Variants in SLIT1 observed in about 807,000 individuals in gnomAD.
SLIT1 encodes slit guidance ligand 1.
SLIT1 carries 66 observed loss-of-function variants against 186.1 expected under a neutral mutation model. The observed-to-expected ratio is 0.35, with a 90% confidence interval of 0.29 to 0.44. The LOEUF (loss-of-function observed/expected upper bound fraction) is 0.44. Ranked by LOEUF, SLIT1 falls within the 20% of genes least tolerant of loss-of-function variation. The probability of loss-of-function intolerance (pLI) is 1.00; values close to 1 mark genes in which losing one functional copy is unlikely to be tolerated. For missense variants in SLIT1, 1,638 were observed against 2,037.4 expected (o/e 0.80, Z 3.77); for synonymous variants, 761 against 833.8 (o/e 0.91, Z 1.50).
In SLIT1 at chr10:97,000,988, GGCCCAGCT is replaced by G. The variant is rs1169244401; in HGVS notation, c.*116_*123del. 62 of 726,970 alleles carry G rather than the reference GGCCCAGCT, an allele frequency of 8.5e-5. No homozygotes were observed. The highest frequency in any genetic ancestry group is 1.4e-4 in the Non-Finnish European group (60 of 442,356). 45.0% of individuals were successfully genotyped at this position (726,970 alleles called of 1,614,324 possible). A position where few individuals can be genotyped will look rare whatever the true frequency, so the allele number is the denominator to read the frequency against. On this transcript the variant is annotated 3_prime_UTR_variant, in exon 37 of 37. Coordinates refer to ENST00000266058, the MANE Select transcript of SLIT1 (RefSeq NM_003061.3). ...GCTCTGGCACCACCCCACCCAGGAGGGCCCAGCTGCCCAGGAGCCGTCCTGTGATGACC... is the reference window on the plus strand; with the variant it reads ...GCTCTGGCACCACCCCACCCAGGAGGGCCCAGGAGCCGTCCTGTGATGACC...
intron 1 of SLIT1, among the ~76,000 whole-genome samples, chr10:97,174,639 G>A (rs1333907454): frequency 6.6e-6 from 1 of 152,212 alleles, no homozygotes; most frequent in Non-Finnish European, 1.5e-5. Flanking sequence ...TTGTTTCCTT[G>A]GCTGGAGAAA....
chr10:97,050,289 C>T (rs895373149), intron 13 of SLIT1, among the ~76,000 whole-genome samples: 1 of 152,218 alleles, frequency 6.6e-6, no homozygotes, highest in African/African-American at 2.4e-5. Context: ...CAGGCCCCTG[C>T]AAGGGGCTGC....
Position 97,004,806 on chromosome 10 carries a change from G to T in SLIT1, c.3597C>A (p.Asp1199Glu). 6.2e-7 allele frequency: 1 copy of T among 1,614,154 alleles called. No individual in the cohort carries two copies. Among genetic ancestry groups the T allele is most frequent in the Non-Finnish European group, 8.5e-7 (1 of 1,180,008 alleles). The change falls in exon 33 of 37, where the codon GAC becomes GAA. Residue 1199 changes from aspartate to glutamate, a missense_variant. By Grantham distance (45) the Asp-to-Glu change is conservative (BLOSUM62 2). Around this residue, in one of 3 missense-constraint regions of SLIT1, gnomAD observed 173 missense variants for 290.9 expected, o/e 0.59. Transcript: ENST00000266058. The surrounding 1 kb of genome is among the most constrained non-coding windows in gnomAD (Gnocchi z 5.1). ...CCCCGTTGTACAGAAGGATCCCATT[G>T]TCCTCTGCCGTGGAGACCTGATGGG... ...NITLQVSTAE[D>E]NGILLYNGDN... is the part of the protein sequence containing the mutation.
At chr10:97,092,528 A>T (rs1194832420) in intron 4 of SLIT1, among the ~76,000 whole-genome samples, 1 of 152,260 alleles carries the variant, frequency 6.6e-6, no homozygotes, top group East Asian at 1.9e-4. Context: ...CTATATACCT[A>T]CATGAATGCT....
At chr10:97,034,646 G>T in intron 22 of SLIT1, 104 bp from the exon 23 acceptor site, 1 of 1,001,224 alleles carries the variant, frequency 1.0e-6, no homozygotes, top group Non-Finnish European at 1.6e-6. Flanking sequence ...CCATTCCCCA[G>T]CCAGGTTGGC....
Position 97,001,043 on chromosome 10 carries a change from G to A in SLIT1, c.*69C>T. 3.1e-6 allele frequency: 4 copies of A among 1,306,244 alleles called. No individual in the cohort carries two copies. The East Asian group carries it at 9.5e-5, about 31-fold the overall frequency. The allele number at this position is 1,306,244 out of a possible 1,614,324, so 80.9% of individuals were successfully genotyped here. A position where few individuals can be genotyped will look rare whatever the true frequency, so the allele number is the denominator to read the frequency against. On this transcript the variant is annotated 3_prime_UTR_variant, in exon 37 of 37. Coordinates refer to ENST00000266058, the MANE Select transcript of SLIT1 (RefSeq NM_003061.3). ...GACCTGCACCCCAGCCCAGCTGCTG[G>A]CGACTGTCTCCGCTGCTGCAGCGGC...
intron 4 of SLIT1, among the ~76,000 whole-genome samples, chr10:97,069,776 A>G (rs1848985198): frequency 6.6e-6 from 1 of 152,174 alleles, no homozygotes; most frequent in African/African-American, 2.4e-5. Flanking sequence ...GTGGTAGTTA[A>G]AAGACATCCA....
At chr10:97,034,343 G>A (rs186356199) in intron 23 of SLIT1, 128 bp downstream of exon 23, 37 of 737,506 alleles carry the variant, frequency 5.0e-5, no homozygotes, top group East Asian at 1.7e-4. Flanking sequence ...TCTCAGGCCC[G>A]GCACCCTCTC....
intron 4 of SLIT1, among the ~76,000 whole-genome samples, chr10:97,118,274 G>A (rs1320220230): frequency 6.6e-6 from 1 of 152,198 alleles, no homozygotes; most frequent in Non-Finnish European, 1.5e-5. Flanking sequence ...CACAGGCTGC[G>A]TAAGCTGGAG....
chr10:97,011,459 A>T (rs544926310), intron 30 of SLIT1, among the ~76,000 whole-genome samples: 26 of 152,192 alleles, frequency 1.7e-4, no homozygotes, highest in Admixed American at 7.8e-4. Context: ...TCCAAGGCCA[A>T]CTGTCAGCCC....
chr10:97,149,053 T>C (rs759036157), intron 4 of SLIT1, among the ~76,000 whole-genome samples: 14 of 152,216 alleles, frequency 9.2e-5, no homozygotes, highest in Non-Finnish European at 1.8e-4. Context: ...CACCCCCCCG[T>C]GGCCCTCCTT....
intron 4 of SLIT1, among the ~76,000 whole-genome samples, chr10:97,150,857 T>C (rs1005261176): frequency 5.9e-5 from 9 of 152,030 alleles, no homozygotes; most frequent in African/African-American, 2.2e-4. Context: ...AGCAATCAGG[T>C]TTCCAGCATA....
chr10:97,048,776 C>T (rs989936044), intron 14 of SLIT1, among the ~76,000 whole-genome samples, 179 bp downstream of exon 14: 1 of 150,970 alleles, frequency 6.6e-6, no homozygotes, highest in East Asian at 2.0e-4. Flanking sequence ...GGTGGGCAGG[C>T]AGGTAGGTGA....
At chr10:97,121,593 T>C (rs1849560373) in intron 4 of SLIT1, among the ~76,000 whole-genome samples, 1 of 152,218 alleles carries the variant, frequency 6.6e-6, no homozygotes, top group South Asian at 2.1e-4. Flanking sequence ...TCATGTCAAG[T>C]AGCGGAGCCA....
intron 4 of SLIT1, among the ~76,000 whole-genome samples, chr10:97,134,309 A>G (rs1298177367): frequency 1.3e-5 from 2 of 152,096 alleles, no homozygotes; most frequent in Non-Finnish European, 2.9e-5. Context: ...ATCTCATTCT[A>G]CAGGCGTTAT....
intron 36 of SLIT1, among the ~76,000 whole-genome samples, chr10:97,001,773 C>A (rs929923023): frequency 1.3e-5 from 2 of 152,138 alleles, no homozygotes; most frequent in African/African-American, 4.8e-5. Flanking sequence ...CCAGCAGAAG[C>A]CATCTTGGTC....
chr10:97,090,200 G>C (rs572392953), intron 4 of SLIT1, among the ~76,000 whole-genome samples: 119 of 152,340 alleles, frequency 7.8e-4, no homozygotes, highest in South Asian at 4.4e-3. Context: ...ATGGAGGAGT[G>C]CCGTGAAGGA....
At chr10:97,077,182 G>A (rs1416414079) in intron 4 of SLIT1, among the ~76,000 whole-genome samples, 1 of 152,116 alleles carries the variant, frequency 6.6e-6, no homozygotes, top group Non-Finnish European at 1.5e-5. Flanking sequence ...CAGGAGGATT[G>A]TTTGAGCCTA....
chr10:97,007,188 T>C (rs1848366611), intron 31 of SLIT1, among the ~76,000 whole-genome samples: 1 of 151,994 alleles, frequency 6.6e-6, no homozygotes, highest in Admixed American at 6.6e-5. Context: ...AACAACAATA[T>C]ACCAACAAAC....
Sources: gnomAD v4.1 joint callset for allele counts (sites outside exome capture counted in the v4.1 genomes callset) on GRCh38, gnomAD v4.1.1 for gene constraint, gnomAD v4.1.1 regional missense constraint, Gnocchi (gnomAD v3.1) non-coding constraint, MANE v1.5 for transcripts, NCBI Gene and HGNC (gene_info 2026-07-23, HGNC 2026-07-21) for gene names.